LTF: variants seen among roughly 807,000 people sequenced by gnomAD.
LTF encodes the protein epididymis luminal protein 110.
In LTF, 91 loss-of-function variants were observed where a neutral mutation model predicts 87.2. The observed-to-expected ratio is 1.04, with a 90% CI of 0.88 to 1.24. The LOEUF is 1.24. Ranked by LOEUF, LTF falls within the 50% of genes most tolerant of loss-of-function variation. LTF has a pLI of 0.00. For missense variants in LTF, 901 were observed against 904.3 expected, an observed-to-expected ratio of 1.00 and a Z score of 0.05; for synonymous variants, 378 against 356.1, an observed-to-expected ratio of 1.06 and a Z score of -0.69.
chr3:46,450,476 G>C lies in LTF; in HGVS notation c.882+19C>G. ...CCCCCCATATCCAAGCAAGTGGGGA[G>C]GACCGTGGGTGAAGATACCTGTGCC... On this transcript the variant is annotated intron_variant, in intron 7 of 16. Transcript: ENST00000231751. 1 of 1,594,234 alleles carries C rather than the reference G, an allele frequency of 6.3e-7. No homozygotes were observed. The highest frequency in any genetic ancestry group is 8.6e-7 in the Non-Finnish European group (1 of 1,169,336).
intron 1 of LTF, among the ~76,000 whole-genome samples, chr3:46,483,939 G>T (rs1703483918): frequency 6.6e-6 from 1 of 152,048 alleles, no homozygotes; most frequent in African/African-American, 2.4e-5. Flanking sequence ...GCTGCACCCT[G>T]GCCAAAAGTT....
At chr3:46,484,560 C>T (rs972755192) in intron 1 of LTF, among the ~76,000 whole-genome samples, 3 of 152,162 alleles carry the variant, frequency 2.0e-5, no homozygotes, top group South Asian at 2.1e-4. Flanking sequence ...GAAGGCAGTG[C>T]CAAGAAGGGC....
intron 1 of LTF, among the ~76,000 whole-genome samples, chr3:46,476,002 CT>C (rs1459840579): frequency 6.6e-6 from 1 of 152,110 alleles, no homozygotes; most frequent in African/African-American, 2.4e-5. Context: ...TGAGATCATC[CT>C]TTAATTCATT....
rs868751121 is a variant in LTF at position 46,448,357 on chromosome 3, A to T, written c.1212+506T>A. On this transcript the variant is annotated intron_variant, in intron 9 of 16. Coordinates refer to ENST00000231751, the MANE Select transcript of LTF (RefSeq NM_002343.6). ...ACTCCAGCCTGGGTGACAGATCAAGAATCTGTCTCTTAAAAAAAAAAAAAT... is the reference window on the plus strand; with the variant it reads ...ACTCCAGCCTGGGTGACAGATCAAGTATCTGTCTCTTAAAAAAAAAAAAAT... Among the ~76,000 whole-genome samples, 5 of 132,344 alleles carry T rather than the reference A, an allele frequency of 3.8e-5. No individual in the cohort carries two copies. The South Asian group carries it at 1.3e-3, about 34-fold the overall frequency. The allele number at this position is 132,344 out of a possible 152,430, so 86.8% of individuals were successfully genotyped here.
intron 14 of LTF, 62 bp downstream of exon 14, chr3:46,441,354 T>A: frequency 5.3e-6 from 7 of 1,333,060 alleles, no homozygotes; most frequent in Non-Finnish European, 7.3e-6. Flanking sequence ...ATCTGAACAC[T>A]AAGATGTGTT....
intron 1 of LTF, chr3:46,460,650 G>T (rs1418231018): frequency 1.3e-5 from 6 of 451,674 alleles, no homozygotes; most frequent in Admixed American, 4.7e-5. Flanking sequence ...TTCCACCTAA[G>T]ATCAGGAATG....
Position 46,445,338 on chromosome 3 carries a change from C to A in LTF, c.1456G>T (p.Ala486Ser). The A allele has an allele frequency of 6.2e-7, 1 of 1,613,952 alleles. No homozygotes were observed. The highest frequency in any genetic ancestry group is 8.5e-7 in the Non-Finnish European group (1 of 1,179,928). The change falls in exon 12 of 17, where the codon GCA becomes TCA. Residue 486 changes from alanine to serine, a missense_variant. Coordinates refer to ENST00000231751, the MANE Select transcript of LTF (RefSeq NM_002343.6). ...KSCHTAVDRT[A>S]GWNIPMGLLF... ...AGGCCCATGGGGATATTCCAGCCTG[C>A]AGTCCTGTCCACGGCGGTGTGGCAG... is the stretch of plus-strand genomic sequence containing the variant.
Position 46,436,066 on chromosome 3 carries a change from T to C in LTF, c.*129A>G, listed in dbSNP as rs1022016194. 8.5e-6 allele frequency: 7 copies of C among 827,294 alleles called. No homozygotes were observed. The African/African-American group carries it at 1.0e-4, about 12-fold the overall frequency. 51.2% of individuals were successfully genotyped at this position (827,294 alleles called of 1,614,324 possible). A position where few individuals can be genotyped will look rare whatever the true frequency, so the allele number is the denominator to read the frequency against. On this transcript the variant is annotated 3_prime_UTR_variant, in exon 17 of 17. Coordinates refer to ENST00000231751, the MANE Select transcript of LTF (RefSeq NM_002343.6). ...TCTTGCTAAGACGACAGCAGGGAAT[T>C]GTAAGCAGATGGATGGGCAATCCCC...
intron 1 of LTF, among the ~76,000 whole-genome samples, chr3:46,474,952 A>G (rs906818592): frequency 1.3e-5 from 2 of 152,224 alleles, no homozygotes; most frequent in Non-Finnish European, 2.9e-5. Flanking sequence ...ATGCTGCTAA[A>G]GCTGTACTCA....
Position 46,450,558 on chromosome 3 carries a change from G to T in LTF, c.819C>A (p.Ala273=). 6.2e-7 allele frequency: 1 copy of T among 1,614,118 alleles called. No homozygotes were observed. Among genetic ancestry groups the T allele is most frequent in the Non-Finnish European group, 8.5e-7 (1 of 1,180,018 alleles). The part of the protein sequence containing the change: ...DCHLARVPSH[A]VVARSVNGKE... ...TGCCATTCACACTTCGTGCCACAAC[G>T]GCATGAGAAGGGACCCGGGCCAGAT... The change falls in exon 7 of 17, where the codon GCC becomes GCA. Residue 273 remains alanine (A), a synonymous_variant. Transcript: ENST00000231751.
chr3:46,463,348 C>T, intron 1 of LTF: 1 of 538,136 alleles, frequency 1.9e-6, no homozygotes, highest in Non-Finnish European at 2.4e-6. Flanking sequence ...TGATGGGAAA[C>T]CTCATGAGTG....
chr3:46,480,392 C>T (rs1703417168), intron 1 of LTF, among the ~76,000 whole-genome samples: 1 of 152,202 alleles, frequency 6.6e-6, no homozygotes, highest in Non-Finnish European at 1.5e-5. Context: ...GATGTTTCCA[C>T]ACCATGCCCA....
chr3:46,474,069 G>C (rs1217930829), intron 1 of LTF, among the ~76,000 whole-genome samples: 1 of 151,946 alleles, frequency 6.6e-6, no homozygotes, highest in Non-Finnish European at 1.5e-5. Flanking sequence ...TAAAAACAGA[G>C]AGAAAAAAAT....
intron 1 of LTF, among the ~76,000 whole-genome samples, chr3:46,460,163 A>G (rs574962771): frequency 2.0e-4 from 30 of 152,274 alleles, no homozygotes; most frequent in African/African-American, 6.7e-4. Context: ...CCCACTTTGA[A>G]CCTGGAAGGT....
chr3:46,477,212 T>C (rs1258067857), intron 1 of LTF, among the ~76,000 whole-genome samples: 1 of 152,258 alleles, frequency 6.6e-6, no homozygotes, highest in East Asian at 1.9e-4. Context: ...GAATGTCTTT[T>C]GTCCATTGTT....
At chr3:46,448,115 G>C (rs1056669939) in intron 9 of LTF, among the ~76,000 whole-genome samples, 1 of 152,148 alleles carries the variant, frequency 6.6e-6, no homozygotes, top group Non-Finnish European at 1.5e-5. Context: ...CGTAATCCCA[G>C]CACTTTGGGA....
chr3:46,441,899 CAGAGAGAG>C (rs71622508), intron 13 of LTF: 91 of 101,656 alleles, frequency 9.0e-4, no homozygotes, highest in Middle Eastern at 5.4e-3. Context: ...TGATAGCACC[CAGAGAGAG>C]AGAGAGAGAG....
At chr3:46,483,465 G>A (rs532378409) in intron 1 of LTF, among the ~76,000 whole-genome samples, 5 of 152,300 alleles carry the variant, frequency 3.3e-5, no homozygotes, top group Admixed American at 2.6e-4. Flanking sequence ...TGCTGCCCAC[G>A]ACAATATGGT....
Position 46,473,931 on chromosome 3 carries a change from C to T in LTF, c.-319-3465G>A, listed in dbSNP as rs1703325282. On this transcript the variant is annotated intron_variant, in intron 1 of 19. Transcript: ENST00000443496. ...TAAATCATGTGTGTACTAAGTAATA[C>T]CTACGGTAACCACTACGTAACCTAT... Among the ~76,000 whole-genome samples, 3 of 152,168 alleles carry T rather than the reference C, an allele frequency of 2.0e-5. No homozygotes were observed. In the South Asian group the frequency reaches 6.2e-4, roughly 32 times the overall value.
Sources: allele counts gnomAD v4.1 joint callset (sites outside exome capture counted in the v4.1 genomes callset), GRCh38; gene constraint gnomAD v4.1.1; transcripts MANE v1.5; gene names NCBI Gene and HGNC (gene_info 2026-07-23, HGNC 2026-07-21).